Variants in CDH13 observed in about 807,000 individuals in gnomAD.
CDH13 encodes cadherin-13.
In CDH13, 24 loss-of-function variants were observed where a neutral mutation model predicts 63.8. The observed-to-expected ratio is 0.38, with a 90% CI of 0.27 to 0.53. CDH13 has a LOEUF of 0.53. Ranked by LOEUF, CDH13 falls within the 20% of genes least tolerant of loss-of-function variation. CDH13 has a pLI of 0.85. For missense variants in CDH13, 1,049 were observed against 903.1 expected, an observed-to-expected ratio of 1.16 and a Z score of -2.07; for synonymous variants, 503 against 355.3, an observed-to-expected ratio of 1.42 and a Z score of -4.67.
At chr16:83,160,088 GAAA>G (rs778095471) in intron 4 of CDH13, among the ~76,000 whole-genome samples, 4 of 149,278 alleles carry the variant, frequency 2.7e-5, no homozygotes, top group African/African-American at 9.9e-5. Flanking sequence ...AAAATAAAGA[GAAA>G]AAAAAAATTG....
chr16:83,664,151 G>C (rs1598433921), intron 8 of CDH13, among the ~76,000 whole-genome samples: 1 of 151,810 alleles, frequency 6.6e-6, no homozygotes, highest in East Asian at 1.9e-4. Flanking sequence ...AGCAAGATCT[G>C]CTTCAAAAAA....
intron 3 of CDH13, among the ~76,000 whole-genome samples, chr16:83,115,486 C>T (rs1000216760): frequency 6.6e-6 from 1 of 152,238 alleles, no homozygotes; most frequent in Non-Finnish European, 1.5e-5. Context: ...GCTTCAAACT[C>T]TCCAAAGGAA....
Position 82,812,355 on chromosome 16 carries a change from G to GA in CDH13, c.46-46000dup, listed in dbSNP as rs538141898. 3.3e-3 allele frequency among the ~76,000 whole-genome samples: 500 copies of GA among 152,138 alleles called. 1 individual carries two copies. The highest frequency in any genetic ancestry group is 0.011 in the African/African-American group (477 of 41,536). Reference sequence around the variant, plus strand: ...GCATCCTATTTGAAACTTCCCCAAAGAAAAAAATGAGCGAGAAGAGTGGTC... The same window carrying GA: ...GCATCCTATTTGAAACTTCCCCAAAGAAAAAAAATGAGCGAGAAGAGTGGTC... On this transcript the variant is annotated intron_variant, in intron 1 of 13. Coordinates refer to ENST00000567109, the MANE Select transcript of CDH13 (RefSeq NM_001257.5).
At chr16:82,768,702 C>G (rs2035152502) in intron 1 of CDH13, among the ~76,000 whole-genome samples, 1 of 152,152 alleles carries the variant, frequency 6.6e-6, no homozygotes, top group Non-Finnish European at 1.5e-5. Context: ...GTTTACAGCT[C>G]AGCAACATTT....
At chr16:83,350,768 CA>C (rs1277376829) in intron 6 of CDH13, among the ~76,000 whole-genome samples, 1 of 152,134 alleles carries the variant, frequency 6.6e-6, no homozygotes, top group African/African-American at 2.4e-5. Context: ...CGGGAGGGGC[CA>C]AACCTAGTCT....
intron 6 of CDH13, among the ~76,000 whole-genome samples, chr16:83,457,807 C>T (rs1416326452): frequency 1.3e-5 from 2 of 152,190 alleles, no homozygotes; most frequent in Admixed American, 6.5e-5. Context: ...AATCTGAAAA[C>T]ACACATGTTA....
intron 11 of CDH13, among the ~76,000 whole-genome samples, chr16:83,778,104 C>G (rs915954076): frequency 1.1e-4 from 16 of 152,188 alleles, no homozygotes; most frequent in African/African-American, 3.9e-4. Flanking sequence ...ACCTTTCTTG[C>G]AGAAAATTAG....
chr16:82,647,758 G>T (rs1910266992), intron 1 of CDH13, among the ~76,000 whole-genome samples: 1 of 152,198 alleles, frequency 6.6e-6, no homozygotes, highest in Non-Finnish European at 1.5e-5. Flanking sequence ...CCCTGTAATG[G>T]AAAAGCCAGA....
intron 3 of CDH13, among the ~76,000 whole-genome samples, chr16:83,065,277 C>G (rs1273643690): frequency 6.6e-6 from 1 of 152,156 alleles, no homozygotes; most frequent in African/African-American, 2.4e-5. Flanking sequence ...AAAACCAGGA[C>G]AGTGTAGTAT....
At chr16:83,323,214 C>A (rs1268551218) in intron 5 of CDH13, among the ~76,000 whole-genome samples, 5 of 144,756 alleles carry the variant, frequency 3.5e-5, no homozygotes, top group African/African-American at 1.3e-4. Context: ...TTCTTTCTTT[C>A]TTTCTTTCTT....
At chr16:83,548,592 A>T (rs1418676180) in intron 7 of CDH13, among the ~76,000 whole-genome samples, 1 of 152,164 alleles carries the variant, frequency 6.6e-6, no homozygotes, top group Non-Finnish European at 1.5e-5. Context: ...GGGACCCCGG[A>T]TAGCCAGTTC....
At chr16:82,884,001 C>T (rs1267081615) in intron 2 of CDH13, among the ~76,000 whole-genome samples, 3 of 152,014 alleles carry the variant, frequency 2.0e-5, no homozygotes, top group Non-Finnish European at 4.4e-5. Flanking sequence ...ATTATCATAC[C>T]CCCATCATAG....
At position 82,778,289 on chromosome 16, in the gene CDH13, G is replaced by C. The variant is rs1231239014; in HGVS notation, c.46-80073G>C. Among the ~76,000 whole-genome samples, 4 of 152,120 alleles carry C rather than the reference G, an allele frequency of 2.6e-5. No individual in the cohort carries two copies. In the East Asian group the frequency reaches 7.7e-4, roughly 29 times the overall value. ...AAGGACGTTCCAGTTTGAAAAACCT[G>C]AGTTTATTAGTCAAATTGTGCTGGT... On this transcript the variant is annotated intron_variant, in intron 1 of 13. Coordinates refer to ENST00000567109, the MANE Select transcript of CDH13 (RefSeq NM_001257.5).
chr16:83,142,219 G>C (rs181045741), intron 4 of CDH13, among the ~76,000 whole-genome samples: 1 of 144,082 alleles, frequency 6.9e-6, no homozygotes, highest in South Asian at 2.2e-4. Flanking sequence ...AAAGTGCAGT[G>C]GTGTAATCTC....
intron 5 of CDH13, among the ~76,000 whole-genome samples, chr16:83,239,521 C>G (rs374721418): frequency 5.2e-5 from 6 of 115,426 alleles, no homozygotes; most frequent in African/African-American, 2.0e-4. Context: ...GGGTAATTGT[C>G]TGCAGGTGCA....
chr16:82,960,954 T>C (rs1419125874), intron 2 of CDH13, among the ~76,000 whole-genome samples: 3 of 152,182 alleles, frequency 2.0e-5, no homozygotes, highest in Non-Finnish European at 2.9e-5. Context: ...ATACAAAATA[T>C]GGATAGTTTT....
chr16:83,644,752 G>C (rs571270401), intron 8 of CDH13, among the ~76,000 whole-genome samples: 1 of 152,142 alleles, frequency 6.6e-6, no homozygotes, highest in African/African-American at 2.4e-5. Context: ...ATCAGCAGTG[G>C]GGGTCCCCAG....
chr16:83,007,378 G>A lies in CDH13; in HGVS notation c.158-24632G>A, dbSNP rs553797856. The stretch of plus-strand genomic sequence containing the variant: ...ACATGAAACCCATTTCACACGTGAG[G>A]AAACTATGGTTCAAAATGGCAGTTA... On this transcript the variant is annotated intron_variant, in intron 2 of 13. Coordinates refer to ENST00000567109, the MANE Select transcript of CDH13 (RefSeq NM_001257.5). 3.7e-4 allele frequency among the ~76,000 whole-genome samples: 56 copies of A among 152,288 alleles called. 1 individual carries two copies. The highest frequency in any genetic ancestry group is 1.3e-3 in the African/African-American group (52 of 41,562).
chr16:83,212,748 G>C (rs1258960523), intron 4 of CDH13, among the ~76,000 whole-genome samples: 2 of 152,144 alleles, frequency 1.3e-5, no homozygotes, highest in African/African-American at 4.8e-5. Flanking sequence ...GAATCACCTG[G>C]GGAGGGGGGA....
Sources: gnomAD v4.1 joint callset for allele counts (sites outside exome capture counted in the v4.1 genomes callset) on GRCh38, gnomAD v4.1.1 for gene constraint, MANE v1.5 for transcripts, NCBI Gene and HGNC (gene_info 2026-07-23, HGNC 2026-07-21) for gene names.